GLIS2: variants seen among roughly 807,000 people sequenced by gnomAD.
GLIS2 encodes the protein GLIS family zinc finger 2, also known as zinc finger protein GLIS2.
A neutral mutation model predicts 35.6 loss-of-function variants in GLIS2; 14 were observed. The ratio of observed to expected loss-of-function variants is 0.39; its 90% confidence interval spans 0.26 to 0.61. The LOEUF (loss-of-function observed/expected upper bound fraction) is 0.61, where lower values mean the gene tolerates loss of function less well. Among genes scored for constraint, GLIS2 ranks in the 20% least tolerant of loss-of-function variants. The pLI is 0.48. For synonymous variants in GLIS2, 368 were observed against 325.1 expected (o/e 1.13, Z -1.42); for missense variants, 675 against 713.4 (o/e 0.95, Z 0.61).
rs188903753 is a variant in GLIS2, at chr16:4,335,976, C to T, written c.775+583C>T. 1.6e-3 allele frequency: 284 copies of T among 179,534 alleles called. 1 individual carries two copies. Among genetic ancestry groups the T allele is most frequent in the Admixed American group, 2.4e-3 (45 of 18,694 alleles). The allele number at this position is 179,534 out of a possible 1,614,324, so 11.1% of individuals were successfully genotyped here. A position where few individuals can be genotyped will look rare whatever the true frequency, so the allele number is the denominator to read the frequency against. On this transcript the variant is annotated intron_variant, in intron 6 of 6. Coordinates refer to ENST00000433375, the MANE Select transcript of GLIS2 (RefSeq NM_032575.3). The surrounding 1 kb of genome is among the most constrained non-coding windows in gnomAD (Gnocchi z 4.6). Reference sequence around the variant, plus strand: ...GGCAGCACATCTCCAGGTGGAGAGCCATGTATCAGGAGGTCAGTCACTACA... The same window carrying T: ...GGCAGCACATCTCCAGGTGGAGAGCTATGTATCAGGAGGTCAGTCACTACA...
At chr16:4,323,272 G>T (rs2053396356) in intron 1 of GLIS2, among the ~76,000 whole-genome samples, 1 of 152,202 alleles carries the variant, frequency 6.6e-6, no homozygotes, top group African/African-American at 2.4e-5. Flanking sequence ...GGGTGGCAGG[G>T]CCCAGTGCTC....
chr16:4,336,930 G>C lies in GLIS2; in HGVS notation c.981G>C (p.Glu327Asp), dbSNP rs1251241714. The change falls in exon 7 of 7, where the codon GAG becomes GAC. Residue 327 changes from glutamate to aspartate, a missense_variant. Around this residue, in one of 3 missense-constraint regions of GLIS2, gnomAD observed 317 missense variants for 283.2 expected, o/e 1.12. Transcript: ENST00000433375. ...ACTTTGTGTCCCACGAGCAGCAAGA[G>C]CTCCTGCAGCTGCGCCCACCCCCCA... ...HGHFVSHEQQELLQLRPPPKP... is the reference protein window; with the variant it reads ...HGHFVSHEQQDLLQLRPPPKP... 1.2e-6 allele frequency: 2 copies of C among 1,612,218 alleles called. No homozygotes were observed. The highest frequency in any genetic ancestry group is 1.3e-5 in the African/African-American group (1 of 74,928).
At chr16:4,327,277 G>A (rs2053442020) in intron 1 of GLIS2, among the ~76,000 whole-genome samples, 1 of 152,252 alleles carries the variant, frequency 6.6e-6, no homozygotes, top group Admixed American at 6.5e-5. Flanking sequence ...CCATCTGTGA[G>A]ATCGGGAAAA....
chr16:4,317,226 A>G (rs2053323126), intron 1 of GLIS2, among the ~76,000 whole-genome samples: 1 of 152,182 alleles, frequency 6.6e-6, no homozygotes, highest in East Asian at 1.9e-4. Context: ...CCCAGCCATC[A>G]CAGCCCAGGA....
intron 2 of GLIS2, among the ~76,000 whole-genome samples, chr16:4,333,029 G>A (rs547318546): frequency 3.3e-5 from 5 of 152,286 alleles, no homozygotes; most frequent in East Asian, 3.9e-4. Context: ...CTACCTGCCC[G>A]TCTGACAGGG....
intron 1 of GLIS2, among the ~76,000 whole-genome samples, chr16:4,329,966 ATC>A (rs2053481077): frequency 1.3e-5 from 2 of 152,164 alleles, no homozygotes; most frequent in Non-Finnish European, 2.9e-5. Context: ...ATACTGTTAG[ATC>A]ATTTGCATGT....
rs758017634 is a variant in GLIS2 at position 4,335,217 on chromosome 16, G to A, written c.656+24G>A. 1 of 1,613,628 alleles carries A rather than the reference G, an allele frequency of 6.2e-7. No homozygotes were observed. The highest frequency in any genetic ancestry group is 1.1e-5 in the South Asian group (1 of 91,082). On this transcript the variant is annotated intron_variant, in intron 5 of 6. Coordinates refer to ENST00000433375, the MANE Select transcript of GLIS2 (RefSeq NM_032575.3). This position sits in a 1 kb window ranked among gnomAD's most constrained non-coding sequence, Gnocchi z 4.6. ...AGGTGAGGTGGGGGAGAGAGGGGTA[G>A]AGGGAGGACTGGGGTCTCCAGTGAG...
chr16:4,336,994 A>G lies in GLIS2; in HGVS notation c.1045A>G (p.Ser349Gly), dbSNP rs780482321. 6.2e-6 allele frequency: 10 copies of G among 1,607,162 alleles called. No homozygotes were observed. The African/African-American group carries it at 1.1e-4, about 17-fold the overall frequency. The change falls in exon 7 of 7, where the codon AGT becomes GGT. Residue 349 changes from serine to glycine, a missense_variant. Transcript: ENST00000433375. ...CGCCCCCGACGGCGGCCCCTATGTC[A>G]GTGGGGCCCAGATCATCATCCCCAA... Reference protein sequence around the residue: ...LPAPDGGPYVSGAQIIIPNPA... With the variant: ...LPAPDGGPYVGGAQIIIPNPA...
rs957692213 is a variant in GLIS2 at position 4,334,749 on chromosome 16, C to T, written c.346-52C>T. ...ACCATTCAGTCCACTACCGATGGGACGGGGGGCTCTGGGCCAGCAGGACCT... is the reference window on the plus strand; with the variant it reads ...ACCATTCAGTCCACTACCGATGGGATGGGGGGCTCTGGGCCAGCAGGACCT... On this transcript the variant is annotated intron_variant, in intron 3 of 6. Transcript: ENST00000433375. 69 of 1,606,362 alleles carry T rather than the reference C, an allele frequency of 4.3e-5. 1 individual carries two copies. Among genetic ancestry groups the T allele is most frequent in the South Asian group, 1.5e-4 (14 of 90,976 alleles).
chr16:4,322,738 A>C (rs1374790879), intron 1 of GLIS2, among the ~76,000 whole-genome samples: 4 of 151,982 alleles, frequency 2.6e-5, no homozygotes, highest in Non-Finnish European at 5.9e-5. Flanking sequence ...GAACCGAGGC[A>C]GGAGGGCAGG....
chr16:4,329,857 C>T (rs1259222260), intron 1 of GLIS2, among the ~76,000 whole-genome samples: 1 of 152,170 alleles, frequency 6.6e-6, no homozygotes. Context: ...TGAACAAACG[C>T]AAGGAAATGT....
chr16:4,337,262 C>T lies in GLIS2; in HGVS notation c.1313C>T (p.Ala438Val). 1 of 1,549,182 alleles carries T rather than the reference C, an allele frequency of 6.5e-7. No homozygotes were observed. The highest frequency in any genetic ancestry group is 8.7e-7 in the Non-Finnish European group (1 of 1,147,778). The change falls in exon 7 of 7, where the codon GCT becomes GTT. Residue 438 changes from alanine to valine, a missense_variant. Transcript: ENST00000433375. ...GTGGTCTCCCTCCTTGCTGGCGCAG[C>T]TGGTGGCAAGGCCGAGGGGGAGAAG... Reference protein sequence around the residue: ...LPVVSLLAGAAGGKAEGEKGR... With the variant: ...LPVVSLLAGAVGGKAEGEKGR...
chr16:4,326,509 A>G (rs2053431633), intron 1 of GLIS2: 1 of 152,172 alleles, frequency 6.6e-6, no homozygotes, highest in Non-Finnish European at 1.5e-5. Flanking sequence ...AAAGAGACCA[A>G]GTGGTTCTCA....
At chr16:4,321,598 C>G (rs1443990472) in intron 1 of GLIS2, among the ~76,000 whole-genome samples, 1 of 152,124 alleles carries the variant, frequency 6.6e-6, no homozygotes, top group Admixed American at 6.5e-5. Flanking sequence ...GAAACCCAGG[C>G]CTAGTTTTCT....
intron 1 of GLIS2, among the ~76,000 whole-genome samples, chr16:4,323,151 G>A (rs1007483891): frequency 6.6e-6 from 1 of 152,214 alleles, no homozygotes; most frequent in Admixed American, 6.5e-5. Context: ...CTCTGGCTGG[G>A]TCTGCTGAGA....
At chr16:4,315,900 G>A (rs1346886748), upstream of GLIS2, among the ~76,000 whole-genome samples, 1 of 149,034 alleles carries the variant, frequency 6.7e-6, no homozygotes, top group Middle Eastern at 3.6e-3. Flanking sequence ...TTTGCTGGGA[G>A]GGAGGGAGCG....
At position 4,335,270 on chromosome 16, in the gene GLIS2, A is replaced by G; in HGVS notation, c.657-5A>G. 6.2e-7 allele frequency: 1 copy of G among 1,613,738 alleles called. No homozygotes were observed. Among genetic ancestry groups the G allele is most frequent in the Non-Finnish European group, 8.5e-7 (1 of 1,179,998 alleles). ...GAGCCGTGCCCCCCGCCCTCCCTGG[A>G]GCAGGTACAAGATGCTCATCCACAT... On this transcript the variant is annotated splice_region_variant and splice_polypyrimidine_tract_variant and intron_variant, in intron 5 of 6. Transcript: ENST00000433375. This position sits in a 1 kb window ranked among gnomAD's most constrained non-coding sequence, Gnocchi z 4.6.
At chr16:4,326,647 G>A (rs2053433155) in intron 1 of GLIS2, among the ~76,000 whole-genome samples, 1 of 152,058 alleles carries the variant, frequency 6.6e-6, no homozygotes, top group Admixed American at 6.6e-5. Context: ...GGAGTGCAGT[G>A]GTGTGATCTC....
rs778573365 is a variant in GLIS2 at position 4,335,371 on chromosome 16, G to A, written c.753G>A (p.Lys251=). 4 of 1,613,730 alleles carry A rather than the reference G, an allele frequency of 2.5e-6. No individual in the cohort carries two copies. Among genetic ancestry groups the A allele is most frequent in the Non-Finnish European group, 3.4e-6 (4 of 1,180,030 alleles). The change falls in exon 6 of 7, where the codon AAG becomes AAA. Residue 251 remains lysine, a synonymous_variant. Coordinates refer to ENST00000433375, the MANE Select transcript of GLIS2 (RefSeq NM_032575.3). The surrounding 1 kb of genome is among the most constrained non-coding windows in gnomAD (Gnocchi z 4.6). Reference sequence around the variant, plus strand: ...GCTTCTCCCGCCTGGAGAACCTGAAGATCCACAACCGGTCGCACACAGGTA... The same window carrying A: ...GCTTCTCCCGCCTGGAGAACCTGAAAATCCACAACCGGTCGCACACAGGTA... ...SKSFSRLENL[K]IHNRSHTGEK... is the part of the protein sequence containing the mutation.
Sources: allele counts gnomAD v4.1 joint callset (sites outside exome capture counted in the v4.1 genomes callset), GRCh38; gene constraint gnomAD v4.1.1; regional missense constraint gnomAD v4.1.1; non-coding constraint Gnocchi (gnomAD v3.1); transcripts MANE v1.5; gene names NCBI Gene and HGNC (gene_info 2026-07-23, HGNC 2026-07-21).